Variants in CACNA1D observed in about 807,000 individuals in gnomAD.
CACNA1D encodes the protein calcium voltage-gated channel subunit alpha1 D.
A neutral mutation model predicts 257.1 loss-of-function variants in CACNA1D; 55 were observed. The ratio of observed to expected loss-of-function variants is 0.21; its 90% CI spans 0.17 to 0.27. The LOEUF (loss-of-function observed/expected upper bound fraction) is 0.27, where lower values mean the gene tolerates loss of function less well. CACNA1D is among the 10% of genes least tolerant of loss of function. The probability of loss-of-function intolerance (pLI) is 1.00; values close to 1 mark genes in which losing one functional copy is unlikely to be tolerated. For synonymous variants in CACNA1D, 980 were observed against 1,014.9 expected, an observed-to-expected ratio of 0.97 and a Z score of 0.65; for missense variants, 1,876 against 2,784.0, an observed-to-expected ratio of 0.67 and a Z score of 7.34.
chr3:53,526,350 C>A (rs1182498662), intron 3 of CACNA1D, among the ~76,000 whole-genome samples: 1 of 152,186 alleles, frequency 6.6e-6, no homozygotes, highest in Non-Finnish European at 1.5e-5. Flanking sequence ...GTCAGGACAG[C>A]CTGAACTTGG....
At chr3:53,636,266 C>T (rs568581721) in intron 3 of CACNA1D, among the ~76,000 whole-genome samples, 2 of 152,204 alleles carry the variant, frequency 1.3e-5, no homozygotes, top group South Asian at 2.1e-4. Context: ...CTCTCAAGCA[C>T]ACATAAATGT....
chr3:53,808,501 AGAC>A (rs2106881714), intron 45 of CACNA1D, 145 bp from the exon 46 acceptor site: 1 of 865,236 alleles, frequency 1.2e-6, no homozygotes, highest in Admixed American at 1.9e-5. Flanking sequence ...TAAAGTTTGG[AGAC>A]CTCACTACCT....
intron 3 of CACNA1D, among the ~76,000 whole-genome samples, chr3:53,563,160 C>G (rs1353511094): frequency 6.6e-6 from 1 of 152,196 alleles, no homozygotes; most frequent in Non-Finnish European, 1.5e-5. Context: ...ACTCACCACA[C>G]CTTTCACTCC....
intron 3 of CACNA1D, among the ~76,000 whole-genome samples, chr3:53,563,661 T>C (rs1454876601): frequency 6.6e-6 from 1 of 152,234 alleles, no homozygotes; most frequent in Non-Finnish European, 1.5e-5. Flanking sequence ...GGAATTATAC[T>C]GAGTATATTC....
intron 8 of CACNA1D, chr3:53,679,135 T>G (rs568541632): frequency 8.0e-5 from 12 of 150,778 alleles, no homozygotes; most frequent in East Asian, 5.9e-4. Context: ...CCAGGCATGG[T>G]GGCGCATGCC....
intron 3 of CACNA1D, among the ~76,000 whole-genome samples, chr3:53,573,089 G>A (rs1170751090): frequency 1.3e-5 from 2 of 152,194 alleles, no homozygotes; most frequent in East Asian, 1.9e-4. Context: ...CCATTAGTTT[G>A]TAGCTTAGAT....
chr3:53,808,562 G>A (rs1030613218), intron 45 of CACNA1D, 87 bp from the exon 46 acceptor site: 22 of 1,534,170 alleles, frequency 1.4e-5, no homozygotes, highest in Middle Eastern at 1.7e-4. Flanking sequence ...GCTCGTTGCT[G>A]AGCATCCGGG....
chr3:53,759,940 A>G (rs1303162260), intron 29 of CACNA1D, among the ~76,000 whole-genome samples: 1 of 152,252 alleles, frequency 6.6e-6, no homozygotes, highest in Non-Finnish European at 1.5e-5. Flanking sequence ...AAGGAAAGCT[A>G]GAAAGCATAA....
chr3:53,809,786 GCA>G (rs1474392631), intron 46 of CACNA1D, 190 bp from the exon 47 acceptor site: 1 of 625,956 alleles, frequency 1.6e-6, no homozygotes, highest in African/African-American at 1.8e-5. Flanking sequence ...GTAAAAGAAA[GCA>G]CAGTCTGCTA....
chr3:53,758,320 A>G (rs969695813), intron 29 of CACNA1D, among the ~76,000 whole-genome samples: 3 of 152,230 alleles, frequency 2.0e-5, no homozygotes, highest in Non-Finnish European at 2.9e-5. Context: ...TCTGGCTGCC[A>G]TGATCAATGA....
At chr3:53,744,897 G>C in intron 23 of CACNA1D, 70 bp downstream of exon 23, 1 of 848,562 alleles carries the variant, frequency 1.2e-6, no homozygotes, top group Non-Finnish European at 2.1e-6. Context: ...GCTCTTCTGG[G>C]CAGAGCTGAG....
At position 53,774,425 on chromosome 3, in the gene CACNA1D, A is replaced by G. The variant is rs1056586333; in HGVS notation, c.4111-162A>G. ...CAGTGTGTAACCTGCTGCCTGGCACATGGTTGTGCCTGGCAGATCTTTTTT... is the reference window on the plus strand; with the variant it reads ...CAGTGTGTAACCTGCTGCCTGGCACGTGGTTGTGCCTGGCAGATCTTTTTT... On this transcript the variant is annotated intron_variant, in intron 33 of 47. Transcript: ENST00000350061. This position sits in a 1 kb window ranked among gnomAD's most constrained non-coding sequence, Gnocchi z 4.3. 6 of 642,250 alleles carry G rather than the reference A, an allele frequency of 9.3e-6. No individual in the cohort carries two copies. Among genetic ancestry groups the G allele is most frequent in the African/African-American group, 1.8e-5 (1 of 55,582 alleles). The allele number at this position is 642,250 out of a possible 1,614,324, so 39.8% of individuals were successfully genotyped here.
At position 53,745,836 on chromosome 3, in the gene CACNA1D, G is replaced by A. The variant is rs202058955; in HGVS notation, c.3128G>A (p.Arg1043His). The A allele has an allele frequency of 1.2e-5, 19 of 1,613,824 alleles. No individual in the cohort carries two copies. Among genetic ancestry groups the A allele is most frequent in the South Asian group, 5.5e-5 (5 of 91,070 alleles). Reference sequence around the variant, plus strand: ...TTTTATACCCAGGGGAAGTTCTATCGCTGTACGGATGAAGCCAAAAGTAAC... The same window carrying A: ...TTTTATACCCAGGGGAAGTTCTATCACTGTACGGATGAAGCCAAAAGTAAC... ...GVQLFKGKFYRCTDEAKSNPE... is the reference protein window; with the variant it reads ...GVQLFKGKFYHCTDEAKSNPE... The change falls in exon 25 of 48, where the codon CGC (arginine) becomes CAC (histidine). Residue 1043 changes from arginine to histidine, a missense_variant. Arg to His is a conservative substitution (Grantham distance 29, BLOSUM62 0). Transcript: ENST00000350061.
intron 4 of CACNA1D, among the ~76,000 whole-genome samples, chr3:53,654,308 C>T (rs566453055): frequency 1.3e-4 from 20 of 152,200 alleles, no homozygotes; most frequent in Middle Eastern, 3.4e-3. Context: ...TTTCTCCCCT[C>T]GTTTAAAAAT....
At chr3:53,807,519 G>C (rs747347762) in intron 45 of CACNA1D, 1 of 152,386 alleles carries the variant, frequency 6.6e-6, no homozygotes, top group Non-Finnish European at 1.5e-5. Flanking sequence ...GGAATGAGGG[G>C]CATGTGGAGT....
chr3:53,527,769 T>C (rs17053146), intron 3 of CACNA1D, among the ~76,000 whole-genome samples: 4,623 of 152,276 alleles, frequency 0.03, 166 homozygotes, highest in African/African-American at 0.081. Context: ...ATAAATGGAG[T>C]GTGCCCAGTA....
chr3:53,780,209 C>T, intron 38 of CACNA1D, 81 bp downstream of exon 38: 1 of 1,130,628 alleles, frequency 8.8e-7, no homozygotes, highest in Non-Finnish European at 1.3e-6. Flanking sequence ...TCATCTGGGC[C>T]TTTTCTTGGC....
chr3:53,771,860 C>T (rs566755466), intron 32 of CACNA1D, among the ~76,000 whole-genome samples: 172 of 152,330 alleles, frequency 1.1e-3, no homozygotes, highest in East Asian at 1.4e-3. Context: ...AAGCCTGAAA[C>T]GAACTCTGTG....
intron 7 of CACNA1D, among the ~76,000 whole-genome samples, chr3:53,672,643 C>T (rs112867042): frequency 6.6e-6 from 1 of 152,104 alleles, no homozygotes; most frequent in African/African-American, 2.4e-5. Context: ...CTACCAAGAC[C>T]TTTCCTGAAA....
Sources: allele counts gnomAD v4.1 joint callset (sites outside exome capture counted in the v4.1 genomes callset), GRCh38; gene constraint gnomAD v4.1.1; non-coding constraint Gnocchi (gnomAD v3.1); transcripts MANE v1.5; gene names NCBI Gene and HGNC (gene_info 2026-07-23, HGNC 2026-07-21).